ZNF761: variants seen among roughly 807,000 people sequenced by gnomAD.
The protein encoded by ZNF761 is zinc finger protein 761.
In ZNF761, 43 loss-of-function variants were observed where a neutral mutation model predicts 59.9. The observed-to-expected ratio is 0.72, with a 90% CI of 0.56 to 0.92. The LOEUF (loss-of-function observed/expected upper bound fraction) is 0.92, where lower values mean the gene tolerates loss of function less well. Ranked by LOEUF, ZNF761 falls within the 40% of genes least tolerant of loss-of-function variation. The pLI, the probability that ZNF761 is intolerant of heterozygous loss-of-function variation, is 0.00. For missense variants in ZNF761, 850 were observed against 906.1 expected (o/e 0.94, Z 0.79); for synonymous variants, 294 against 304.8 (o/e 0.96, Z 0.37).
At chr19:53,449,404 G>A (rs1295083859) in intron 3 of ZNF761, 108 bp from the exon 4 acceptor site, 1 of 1,605,710 alleles carries the variant, frequency 6.2e-7, no homozygotes, top group African/African-American at 1.4e-5. Context: ...AGATTTGTTA[G>A]AACATTCACT....
chr19:53,439,831 C>G (rs527351948), intron 1 of ZNF761, among the ~76,000 whole-genome samples: 1 of 152,216 alleles, frequency 6.6e-6, no homozygotes, highest in Non-Finnish European at 1.5e-5. Flanking sequence ...CTTGCAGATG[C>G]CCTGTACAGA....
intron 1 of ZNF761, among the ~76,000 whole-genome samples, chr19:53,445,703 A>T (rs550229940): frequency 3.9e-4 from 60 of 152,312 alleles, no homozygotes; most frequent in Admixed American, 2.0e-3. Flanking sequence ...AAAATTTTTT[A>T]AAAAAACGTG....
Position 53,456,073 on chromosome 19 carries a change from C to G in ZNF761, c.1566C>G (p.Tyr522Ter). The part of the protein sequence containing the change: ...HHRLHTGEKA[Y>*]KCNECGKTFS... ...GACTTCATACTGGAGAGAAAGCTTA[C>G]AAGTGTAATGAGTGCGGCAAGACCT... The change falls in exon 5 of 5, where the codon TAC (tyrosine) becomes TAG (stop). Residue 522 changes from tyrosine (Y) to a stop codon, truncating the protein, a stop_gained. Transcript: ENST00000684525. LOFTEE classifies it high-confidence loss of function. 1 of 1,599,118 alleles carries G rather than the reference C, an allele frequency of 6.3e-7. No homozygotes were observed. The highest frequency in any genetic ancestry group is 8.6e-7 in the Non-Finnish European group (1 of 1,169,362).
chr19:53,451,894 A>G (rs1047785997), intron 4 of ZNF761, among the ~76,000 whole-genome samples: 1 of 151,800 alleles, frequency 6.6e-6, no homozygotes, highest in Non-Finnish European at 1.5e-5. Flanking sequence ...GCCAGCCTCA[A>G]AGTTTTTAAA....
chr19:53,434,766 T>G (rs1176904554), intron 1 of ZNF761, among the ~76,000 whole-genome samples: 1 of 152,206 alleles, frequency 6.6e-6, no homozygotes, highest in African/African-American at 2.4e-5. Context: ...GCATTAACTC[T>G]TTTGCTTCTT....
At chr19:53,449,728 A>T in intron 4 of ZNF761, 90 bp downstream of exon 4, 1 of 1,583,866 alleles carries the variant, frequency 6.3e-7, no homozygotes, top group Non-Finnish European at 8.6e-7. Context: ...TTGCTCTGTC[A>T]CCCAGGGTAG....
At position 53,455,961 on chromosome 19, in the gene ZNF761, G is replaced by C; in HGVS notation, c.1454G>C (p.Arg485Thr). Residue 485 changes from arginine to threonine, a missense_variant, in exon 5 of 5, where the codon AGG (arginine) becomes ACG (threonine). Transcript: ENST00000684525. ...TTCAAATCAAACCTTGAAAGACATA[G>C]GAGAATTCATACTGGAGAGAAACCA... is the stretch of plus-strand genomic sequence containing the variant. ...FRFKSNLERH[R>T]RIHTGEKPYK... 1 of 1,610,876 alleles carries C rather than the reference G, an allele frequency of 6.2e-7. No homozygotes were observed. Among genetic ancestry groups the C allele is most frequent in the South Asian group, 1.1e-5 (1 of 90,852 alleles).
intron 2 of ZNF761, 149 bp from the exon 3 acceptor site, chr19:53,447,047 T>G: frequency 2.2e-6 from 1 of 458,044 alleles, no homozygotes; most frequent in Non-Finnish European, 3.9e-6. Context: ...GAAGTGCGAG[T>G]TTTCCTGTGG....
In ZNF761 at chr19:53,432,023, C is replaced by G. The variant is rs2085975240; in HGVS notation, c.-190C>G. 1 of 152,918 alleles carries G rather than the reference C, an allele frequency of 6.5e-6. No homozygotes were observed. Among genetic ancestry groups the G allele is most frequent in the African/African-American group, 2.4e-5 (1 of 41,464 alleles). 9.5% of individuals were successfully genotyped at this position (152,918 alleles called of 1,614,324 possible). ...ATAGCGTGGAGTGACGGTGCCACCG[C>G]GGCGCGTGAGTTTCGCCCTGTCTTG... On this transcript the variant is annotated 5_prime_UTR_variant, in exon 1 of 5. Coordinates refer to ENST00000684525, the MANE Select transcript of ZNF761 (RefSeq NM_001289951.2).
Position 53,447,101 on chromosome 19 carries a change from T to A in ZNF761, c.-73-95T>A. 4 of 753,454 alleles carry A rather than the reference T, an allele frequency of 5.3e-6. No individual in the cohort carries two copies. In the South Asian group the frequency reaches 7.9e-5, roughly 15 times the overall value. 46.7% of individuals were successfully genotyped at this position (753,454 alleles called of 1,614,324 possible). ...GCAGTGGGCAGCAGACGGGACCATA[T>A]TTCCCAGGGTGAGGTCGCCTTTGTA... On this transcript the variant is annotated intron_variant, in intron 2 of 4. Transcript: ENST00000684525.
chr19:53,445,203 C>T (rs919923098), intron 1 of ZNF761: 3 of 152,060 alleles, frequency 2.0e-5, no homozygotes, highest in Non-Finnish European at 2.9e-5. Context: ...AGCTGACCCT[C>T]TTTCGCTATT....
intron 1 of ZNF761, among the ~76,000 whole-genome samples, chr19:53,432,815 GGAGAAAAGCAAGTGCAGAAATGTA>G (rs1278465630): frequency 6.6e-6 from 1 of 151,996 alleles, no homozygotes; most frequent in Non-Finnish European, 1.5e-5. Context: ...GAAAGCAGGA[GGAGAAAAGCAAGTGCAGAAATGTA>G]GAGAAAAGCT....
intron 1 of ZNF761, among the ~76,000 whole-genome samples, chr19:53,440,330 A>G (rs146608079): frequency 0.026 from 3,895 of 152,226 alleles, 67 homozygotes; most frequent in Non-Finnish European, 0.035. Context: ...CCCTGTCTCA[A>G]AAGAATAAAA....
chr19:53,433,196 A>G (rs1386768594), intron 1 of ZNF761, among the ~76,000 whole-genome samples: 2 of 152,296 alleles, frequency 1.3e-5, no homozygotes, highest in South Asian at 2.1e-4. Context: ...ATTTACATCT[A>G]AAAAGCTGAG....
intron 4 of ZNF761, among the ~76,000 whole-genome samples, chr19:53,451,946 T>TTATA (rs1266076841): frequency 6.6e-6 from 1 of 152,018 alleles, no homozygotes; most frequent in East Asian, 1.9e-4. Flanking sequence ...TTGTTAAGAT[T>TTATA]TATAGTACAG....
At position 53,455,463 on chromosome 19, in the gene ZNF761, T is replaced by G. The variant is rs1248353779; in HGVS notation, c.956T>G (p.Ile319Ser). 9 of 1,612,778 alleles carry G rather than the reference T, an allele frequency of 5.6e-6. No individual in the cohort carries two copies. The highest frequency in any genetic ancestry group is 1.7e-5 in the Admixed American group (1 of 59,874). ...FKSILERHRI[I>S]HTEEKPYKCN... ...TCAATACTTGAAAGACATAGGATAA[T>G]TCATACTGAAGAGAAACCATATAAG... The change falls in exon 5 of 5, where the codon ATT becomes AGT. Residue 319 changes from isoleucine (I) to serine (S), a missense_variant. Ile to Ser is a moderately radical substitution (Grantham distance 142). Transcript: ENST00000684525.
rs749102654 is a variant in ZNF761 at position 53,455,336 on chromosome 19, A to G, written c.829A>G (p.Lys277Glu). 10 of 1,614,112 alleles carry G rather than the reference A, an allele frequency of 6.2e-6. No individual in the cohort carries two copies. The African/African-American group carries it at 1.3e-4, about 22-fold the overall frequency. The change falls in exon 5 of 5, where the codon AAG becomes GAG. Residue 277 changes from lysine (K) to glutamate (E), a missense_variant. Physicochemically the swap from Lys to Glu is moderately conservative, Grantham distance 56 (BLOSUM62 1). Coordinates refer to ENST00000684525, the MANE Select transcript of ZNF761 (RefSeq NM_001289951.2). ...TCCTTACAAGTGTAATGAGTGTGGC[A>G]AGACCTTCAGTCAGACGTCATCCCT... Reference protein sequence around the residue: ...ENPYKCNECGKTFSQTSSLTC... With the variant: ...ENPYKCNECGETFSQTSSLTC...
At position 53,435,199 on chromosome 19, in the gene ZNF761, A is replaced by T. The variant is rs117612596; in HGVS notation, c.-185+3171A>T. ...ACGAATTTAAACTATTCACCAGGTG[A>T]AATCTTGGGGTTATAACATACATAA... On this transcript the variant is annotated intron_variant, in intron 1 of 4. Transcript: ENST00000684525. Among the ~76,000 whole-genome samples, 60 of 151,512 alleles carry T rather than the reference A, an allele frequency of 4.0e-4. 1 individual carries two copies. The East Asian group carries it at 0.011, about 28-fold the overall frequency.
At position 53,439,736 on chromosome 19, in the gene ZNF761, A is replaced by G. The variant is rs529638831; in HGVS notation, c.-184-6491A>G. 2.6e-5 allele frequency among the ~76,000 whole-genome samples: 4 copies of G among 152,244 alleles called. No individual in the cohort carries two copies. In the South Asian group the frequency reaches 6.2e-4, roughly 24 times the overall value. On this transcript the variant is annotated intron_variant, in intron 1 of 4. Transcript: ENST00000684525. ...TATTCATTTGAACCTGGCCCTGGCA[A>G]TGGCTTCTGAACTGGCAAAAGCAGA...
Sources: allele counts gnomAD v4.1 joint callset (sites outside exome capture counted in the v4.1 genomes callset), GRCh38; gene constraint gnomAD v4.1.1; transcripts MANE v1.5; gene names NCBI Gene and HGNC (gene_info 2026-07-23, HGNC 2026-07-21).